Variants in FBXO28 observed in about 807,000 individuals in gnomAD.
The protein encoded by FBXO28 is F-box only protein 28.
A neutral mutation model predicts 38.1 loss-of-function variants in FBXO28; 8 were observed. The ratio of observed to expected loss-of-function variants is 0.21; its 90% CI spans 0.12 to 0.38. The LOEUF is 0.38. Ranked by LOEUF, FBXO28 falls within the 10% of genes least tolerant of loss-of-function variation. The pLI, the probability that FBXO28 is intolerant of heterozygous loss-of-function variation, is 1.00. For missense variants in FBXO28, 345 were observed against 460.6 expected (o/e 0.75, Z 2.30); for synonymous variants, 168 against 173.8 (o/e 0.97, Z 0.26).
intron 1 of FBXO28, among the ~76,000 whole-genome samples, chr1:224,129,449 C>G (rs891009469): frequency 5.9e-5 from 9 of 152,172 alleles, no homozygotes; most frequent in Non-Finnish European, 1.3e-4. Flanking sequence ...AATTCTCATT[C>G]TGGTTATAGA....
At position 224,157,761 on chromosome 1, in the gene FBXO28, C is replaced by G. The variant is rs368925486; in HGVS notation, c.*15C>G. The G allele has an allele frequency of 3.1e-5, 49 of 1,581,284 alleles. No individual in the cohort carries two copies. In the African/African-American group the frequency reaches 5.8e-4, roughly 19 times the overall value. On this transcript the variant is annotated 3_prime_UTR_variant, in exon 5 of 5. Coordinates refer to ENST00000366862, the MANE Select transcript of FBXO28 (RefSeq NM_015176.4). Reference sequence around the variant, plus strand: ...ATAGAAAGTAAATTGGAATGTGGTTCTAGTTCCAGAGGAAGACACAGCTTA... The same window carrying G: ...ATAGAAAGTAAATTGGAATGTGGTTGTAGTTCCAGAGGAAGACACAGCTTA...
intron 1 of FBXO28, among the ~76,000 whole-genome samples, chr1:224,125,113 C>CT (rs75177885): frequency 0.042 from 6,044 of 144,286 alleles, 345 homozygotes; most frequent in African/African-American, 0.13. Context: ...AATAATTTTT[C>CT]TTTTTTTTTT....
intron 3 of FBXO28, among the ~76,000 whole-genome samples, chr1:224,145,087 G>T (rs1284497710): frequency 1.3e-5 from 2 of 151,372 alleles, no homozygotes; most frequent in East Asian, 3.9e-4. Context: ...TTCAAGACCA[G>T]CCTGGCCAAC....
At chr1:224,139,764 G>GCATGCATGCATGCATACATA (rs1386239166) in intron 3 of FBXO28, among the ~76,000 whole-genome samples, 8,100 of 145,802 alleles carry the variant, frequency 0.056, 402 homozygotes, top group East Asian at 0.25. Flanking sequence ...ATGCATGCAT[G>GCATGCATGCATGCATACATA]CATACATACA....
chr1:224,138,670 C>G (rs914900326), intron 3 of FBXO28, among the ~76,000 whole-genome samples: 1 of 151,110 alleles, frequency 6.6e-6, no homozygotes, highest in African/African-American at 2.5e-5. Context: ...GAGCAACCAG[C>G]CATTCATAGA....
chr1:224,142,428 A>G (rs1483083041), intron 3 of FBXO28, among the ~76,000 whole-genome samples: 1 of 151,912 alleles, frequency 6.6e-6, no homozygotes, highest in African/African-American at 2.4e-5. Context: ...AGGTAGGCGG[A>G]TCATTTGAGC....
At chr1:224,149,619 C>T (rs938318138) in intron 3 of FBXO28, among the ~76,000 whole-genome samples, 9 of 82,256 alleles carry the variant, frequency 1.1e-4, no homozygotes, top group African/African-American at 3.3e-4. Context: ...GAGTATCTGC[C>T]ATGTGCCAGA....
At chr1:224,148,286 T>C (rs1019553544) in intron 3 of FBXO28, among the ~76,000 whole-genome samples, 7 of 152,172 alleles carry the variant, frequency 4.6e-5, no homozygotes, top group Non-Finnish European at 8.8e-5. Context: ...TAGCAATCCC[T>C]GTAGGATATT....
At chr1:224,136,730 G>GAA (rs879608832) in intron 3 of FBXO28, among the ~76,000 whole-genome samples, 1 of 144,128 alleles carries the variant, frequency 6.9e-6, no homozygotes, top group Non-Finnish European at 1.5e-5. Context: ...TTTGTCTCCA[G>GAA]AAAAAAAAAA....
chr1:224,127,164 T>TTGTGTGTG lies in FBXO28; in HGVS notation c.268-3296_268-3289dup, dbSNP rs564171368. ...ACAGGGTCCATAAGATGTAAAGTAT[T>TTGTGTGTG]TGTGTGTGTGTGTGTGTGTATGTGT... On this transcript the variant is annotated intron_variant, in intron 1 of 4. Coordinates refer to ENST00000366862, the MANE Select transcript of FBXO28 (RefSeq NM_015176.4). 5.2e-3 allele frequency among the ~76,000 whole-genome samples: 460 copies of TTGTGTGTG among 88,544 alleles called. 3 individuals carry two copies. Among genetic ancestry groups the TTGTGTGTG allele is most frequent in the Middle Eastern group, 8.5e-3 (2 of 234 alleles). The allele number at this position is 88,544 out of a possible 152,430, so 58.1% of individuals were successfully genotyped here.
chr1:224,117,316 C>T (rs1046794630), intron 1 of FBXO28, among the ~76,000 whole-genome samples: 4 of 151,848 alleles, frequency 2.6e-5, no homozygotes, highest in African/African-American at 7.3e-5. Flanking sequence ...TACAGGCGCA[C>T]GCCACCATGC....
intron 3 of FBXO28, among the ~76,000 whole-genome samples, chr1:224,138,933 C>A (rs543710900): frequency 1.3e-5 from 2 of 151,732 alleles, no homozygotes; most frequent in African/African-American, 4.9e-5. Flanking sequence ...AGGCACATGC[C>A]ACCATGCCCA....
In FBXO28 at chr1:224,159,504, G is replaced by T. The variant is rs1036881474; in HGVS notation, c.*1758G>T. The T allele has an allele frequency of 2.6e-5, 4 of 152,584 alleles. No homozygotes were observed. The highest frequency in any genetic ancestry group is 9.7e-5 in the African/African-American group (4 of 41,432). 9.5% of individuals were successfully genotyped at this position (152,584 alleles called of 1,614,324 possible). ...GTAACATCCAAGTGTTTCATGGTTTGTTGGGAAGGTAATTTTAAAATAAAA... is the reference window on the plus strand; with the variant it reads ...GTAACATCCAAGTGTTTCATGGTTTTTTGGGAAGGTAATTTTAAAATAAAA... On this transcript the variant is annotated 3_prime_UTR_variant, in exon 5 of 5. Transcript: ENST00000366862.
intron 3 of FBXO28, among the ~76,000 whole-genome samples, chr1:224,146,547 G>A (rs1475180607): frequency 1.3e-5 from 2 of 152,070 alleles, no homozygotes; most frequent in Non-Finnish European, 2.9e-5. Context: ...CTTCTACTGT[G>A]TGTTAGAAAT....
chr1:224,152,229 C>T (rs1409998704), intron 3 of FBXO28, among the ~76,000 whole-genome samples: 1 of 152,086 alleles, frequency 6.6e-6, no homozygotes, highest in African/African-American at 2.4e-5. Flanking sequence ...TCTTCTGCTA[C>T]CTTTTGGTGG....
Position 224,157,350 on chromosome 1 carries a change from A to C in FBXO28, c.713-2A>C. On this transcript the variant is annotated splice_acceptor_variant, in intron 4 of 4. Transcript: ENST00000366862. LOFTEE classifies it high-confidence loss of function. ...TGACCCTTTTGAATTATTCCTCCAC[A>C]GTTCCAGGACCGTCTGCAGCCCTAA... 6.3e-7 allele frequency: 1 copy of C among 1,585,442 alleles called. No individual in the cohort carries two copies.
Position 224,158,336 on chromosome 1 carries a change from A to G in FBXO28, c.*590A>G, listed in dbSNP as rs1459382302. The G allele has an allele frequency of 1.7e-6, 1 of 579,668 alleles. No individual in the cohort carries two copies. Among genetic ancestry groups the G allele is most frequent in the Non-Finnish European group, 2.2e-6 (1 of 459,242 alleles). 35.9% of individuals were successfully genotyped at this position (579,668 alleles called of 1,614,324 possible). A position where few individuals can be genotyped will look rare whatever the true frequency, so the allele number is the denominator to read the frequency against. ...TATTGACTATATATTTTTATAAACT[A>G]CTGGCAAGGAACTTACCCAGCTGTT... is the stretch of plus-strand genomic sequence containing the variant. On this transcript the variant is annotated 3_prime_UTR_variant, in exon 5 of 5. Transcript: ENST00000366862.
At chr1:224,121,355 T>A (rs1323573758) in intron 1 of FBXO28, among the ~76,000 whole-genome samples, 1 of 152,242 alleles carries the variant, frequency 6.6e-6, no homozygotes, top group Non-Finnish European at 1.5e-5. Flanking sequence ...ATATTTTCTT[T>A]CCAAGTGAAT....
At chr1:224,118,207 T>G (rs1656690032) in intron 1 of FBXO28, among the ~76,000 whole-genome samples, 1 of 151,820 alleles carries the variant, frequency 6.6e-6, no homozygotes, top group Admixed American at 6.6e-5. Context: ...CACCTCAGCC[T>G]TCCAAAGTGC....
Sources: gnomAD v4.1 joint callset for allele counts (sites outside exome capture counted in the v4.1 genomes callset) on GRCh38, gnomAD v4.1.1 for gene constraint, MANE v1.5 for transcripts, NCBI Gene and HGNC (gene_info 2026-07-23, HGNC 2026-07-21) for gene names.